Variants in SLC7A14 observed in about 807,000 individuals in gnomAD.
SLC7A14 encodes gamma-aminobutyric acid transporter SLC7A14.
A neutral mutation model predicts 60.2 loss-of-function variants in SLC7A14; 37 were observed. That is an observed-to-expected ratio of 0.61 (90% CI 0.47 to 0.81). SLC7A14 has a LOEUF of 0.81. Among genes scored for constraint, SLC7A14 ranks in the 30% least tolerant of loss-of-function variants. The pLI is 0.00. For synonymous variants in SLC7A14, 399 were observed against 395.8 expected, an observed-to-expected ratio of 1.01 and a Z score of -0.10; for missense variants, 886 against 982.7, an observed-to-expected ratio of 0.90 and a Z score of 1.32.
At chr3:170,551,155 T>C (rs1714338422) in intron 1 of SLC7A14, among the ~76,000 whole-genome samples, 1 of 152,208 alleles carries the variant, frequency 6.6e-6, no homozygotes, top group Non-Finnish European at 1.5e-5. Context: ...ATATGTGGCC[T>C]TTTGTATCTG....
chr3:170,566,508 T>C (rs1028450691), intron 1 of SLC7A14, among the ~76,000 whole-genome samples: 1 of 152,228 alleles, frequency 6.6e-6, no homozygotes, highest in African/African-American at 2.4e-5. Context: ...ATTTTCAGTT[T>C]AATCTCCTGA....
At chr3:170,480,205 T>G (rs1711762848) in intron 7 of SLC7A14, 84 bp downstream of exon 7, 1 of 1,414,850 alleles carries the variant, frequency 7.1e-7, no homozygotes, top group East Asian at 2.4e-5. Context: ...CGGAGTTGCC[T>G]AGTCCAGCTA....
intron 4 of SLC7A14, among the ~76,000 whole-genome samples, chr3:170,492,504 C>CA (rs894492243): frequency 6.6e-6 from 1 of 151,368 alleles, no homozygotes; most frequent in African/African-American, 2.4e-5. Flanking sequence ...GACTCTGCCT[C>CA]AAAAAAAAGT....
At chr3:170,548,304 C>T (rs1356859321) in intron 1 of SLC7A14, among the ~76,000 whole-genome samples, 1 of 151,530 alleles carries the variant, frequency 6.6e-6, no homozygotes, top group Non-Finnish European at 1.5e-5. Context: ...TTTTAACAGA[C>T]ATTAAAAAAA....
intron 1 of SLC7A14, among the ~76,000 whole-genome samples, chr3:170,554,281 G>A (rs1714430228): frequency 6.6e-6 from 1 of 152,212 alleles, no homozygotes; most frequent in Non-Finnish European, 1.5e-5. Context: ...CATGATGTCA[G>A]TAATGCAATT....
intron 1 of SLC7A14, among the ~76,000 whole-genome samples, chr3:170,537,940 C>A: frequency 7.8e-6 from 1 of 127,968 alleles, no homozygotes; most frequent in East Asian, 2.5e-4. Flanking sequence ...TGGTCGTGGT[C>A]CTTCTAAACA....
intron 7 of SLC7A14, among the ~76,000 whole-genome samples, chr3:170,472,787 G>A (rs1739956128): frequency 6.7e-6 from 1 of 150,062 alleles, no homozygotes; most frequent in African/African-American, 2.4e-5. Flanking sequence ...AAAAAAGAAA[G>A]TCTGTTTGCA....
intron 1 of SLC7A14, among the ~76,000 whole-genome samples, chr3:170,565,432 ATG>A (rs796614183): frequency 3.9e-5 from 6 of 152,302 alleles, no homozygotes; most frequent in African/African-American, 1.4e-4. Flanking sequence ...TGGGGGCTGC[ATG>A]TGTTCATGTG....
At position 170,461,474 on chromosome 3, in the gene SLC7A14, A is replaced by AC. The variant is rs1276254008; in HGVS notation, c.*5580_*5581insG. 1 of 152,246 alleles carries AC rather than the reference A, an allele frequency of 6.6e-6. No homozygotes were observed. The highest frequency in any genetic ancestry group is 1.5e-5 in the Non-Finnish European group (1 of 68,048). The allele number at this position is 152,246 out of a possible 1,614,324, so 9.4% of individuals were successfully genotyped here. A position where few individuals can be genotyped will look rare whatever the true frequency, so the allele number is the denominator to read the frequency against. On this transcript the variant is annotated 3_prime_UTR_variant, in exon 8 of 8. Coordinates refer to ENST00000231706, the MANE Select transcript of SLC7A14 (RefSeq NM_020949.3). ...GGAAGTTGCTCTTAAGGAGAAAAAA[A>AC]AATTAAAACAGCCTTTCTTCTAAAA...
chr3:170,568,125 G>A (rs1182280075), intron 1 of SLC7A14, among the ~76,000 whole-genome samples: 2 of 152,012 alleles, frequency 1.3e-5, no homozygotes, highest in African/African-American at 4.8e-5. Context: ...TTTCTTTTAG[G>A]GTTTTTATGG....
At chr3:170,505,135 T>A (rs1712737079) in intron 2 of SLC7A14, among the ~76,000 whole-genome samples, 1 of 152,154 alleles carries the variant, frequency 6.6e-6, no homozygotes. Flanking sequence ...AGACATTGAA[T>A]TTTCCAGGAC....
At chr3:170,505,505 C>T (rs1005785812) in intron 2 of SLC7A14, among the ~76,000 whole-genome samples, 24 of 152,146 alleles carry the variant, frequency 1.6e-4, no homozygotes, top group African/African-American at 5.8e-4. Context: ...CTCTAGTTTT[C>T]ATCCAGAATA....
chr3:170,520,175 C>G (rs981941766), intron 2 of SLC7A14, among the ~76,000 whole-genome samples: 1 of 152,242 alleles, frequency 6.6e-6, no homozygotes, highest in Non-Finnish European at 1.5e-5. Context: ...GCTGTCACCT[C>G]TTAAGCAGGA....
rs923458683 is a variant in SLC7A14 at position 170,532,236 on chromosome 3, A to T, written c.-152-5148T>A. Among the ~76,000 whole-genome samples, 1 of 151,688 alleles carries T rather than the reference A, an allele frequency of 6.6e-6. No homozygotes were observed. The highest frequency in any genetic ancestry group is 2.4e-5 in the African/African-American group (1 of 40,960). Reference sequence around the variant, plus strand: ...CAAGATTCTTTTAATTGATGTCCCCAGGAAAAATGAGGCTGCAGTTAGAGT... The same window carrying T: ...CAAGATTCTTTTAATTGATGTCCCCTGGAAAAATGAGGCTGCAGTTAGAGT... On this transcript the variant is annotated intron_variant, in intron 1 of 7. Coordinates refer to ENST00000231706, the MANE Select transcript of SLC7A14 (RefSeq NM_020949.3). This position sits in a 1 kb window ranked among gnomAD's most constrained non-coding sequence, Gnocchi z 4.0.
chr3:170,549,442 C>T lies in SLC7A14; in HGVS notation c.-152-22354G>A, dbSNP rs371686381. ...GTTGGCCAGGATGGTCTCAATCTCCCGACCTTGTGATTGCACCCGCCTCGG... is the reference window on the plus strand; with the variant it reads ...GTTGGCCAGGATGGTCTCAATCTCCTGACCTTGTGATTGCACCCGCCTCGG... On this transcript the variant is annotated intron_variant, in intron 1 of 7. Transcript: ENST00000231706. Among the ~76,000 whole-genome samples, 32 of 152,110 alleles carry T rather than the reference C, an allele frequency of 2.1e-4. No individual in the cohort carries two copies. The South Asian group carries it at 6.0e-3, about 29-fold the overall frequency.
At chr3:170,468,463 A>C (rs755379855) in intron 7 of SLC7A14, among the ~76,000 whole-genome samples, 6 of 151,972 alleles carry the variant, frequency 3.9e-5, no homozygotes, top group African/African-American at 4.8e-5. Context: ...ACGCCCAGCT[A>C]ATTTTTGTAT....
In SLC7A14 at chr3:170,535,785, C is replaced by T. The variant is rs1713818605; in HGVS notation, c.-152-8697G>A. On this transcript the variant is annotated intron_variant, in intron 1 of 7. Coordinates refer to ENST00000231706, the MANE Select transcript of SLC7A14 (RefSeq NM_020949.3). This position sits in a 1 kb window ranked among gnomAD's most constrained non-coding sequence, Gnocchi z 4.3. ...GTTCTGATAATTCTTTCTTTATCCCCCCTGTCATTTCAGGCAGTGGGTAGT... is the reference window on the plus strand; with the variant it reads ...GTTCTGATAATTCTTTCTTTATCCCTCCTGTCATTTCAGGCAGTGGGTAGT... Among the ~76,000 whole-genome samples the T allele has an allele frequency of 2.0e-5, 3 of 152,196 alleles. No individual in the cohort carries two copies. The highest frequency in any genetic ancestry group is 7.2e-5 in the African/African-American group (3 of 41,450).
At chr3:170,536,543 G>T (rs1409766114) in intron 1 of SLC7A14, among the ~76,000 whole-genome samples, 9 of 152,136 alleles carry the variant, frequency 5.9e-5, no homozygotes. Flanking sequence ...CTAAATACAT[G>T]CAGATTTCCA....
rs1205131893 is a variant in SLC7A14, at chr3:170,466,577, T to C, written c.*478A>G. 6.5e-6 allele frequency: 1 copy of C among 152,804 alleles called. No individual in the cohort carries two copies. The highest frequency in any genetic ancestry group is 1.5e-5 in the Non-Finnish European group (1 of 68,522). The allele number at this position is 152,804 out of a possible 1,614,324, so 9.5% of individuals were successfully genotyped here. On this transcript the variant is annotated 3_prime_UTR_variant, in exon 8 of 8. Coordinates refer to ENST00000231706, the MANE Select transcript of SLC7A14 (RefSeq NM_020949.3). ...TTCCATGAATTAATTTTGGGTGAGA[T>C]TGCAGGATAAAATGATGCTTGCTCA...
Sources: gnomAD v4.1 joint callset for allele counts (sites outside exome capture counted in the v4.1 genomes callset) on GRCh38, gnomAD v4.1.1 for gene constraint, Gnocchi (gnomAD v3.1) non-coding constraint, MANE v1.5 for transcripts, NCBI Gene and HGNC (gene_info 2026-07-23, HGNC 2026-07-21) for gene names.